The following EPHB1 variants were observed in gnomAD, a reference collection of about 807,000 sequenced individuals.
EPHB1 encodes the protein ephrin type-B receptor 1.
Under a neutral mutation model 94.4 loss-of-function variants are expected in EPHB1, and 30 were observed. The ratio of observed to expected loss-of-function variants is 0.32; its 90% CI spans 0.24 to 0.43. The LOEUF (loss-of-function observed/expected upper bound fraction) is 0.43. Among genes scored for constraint, EPHB1 ranks in the 20% least tolerant of loss-of-function variants. The pLI, the probability that EPHB1 is intolerant of heterozygous loss-of-function variation, is 1.00. For missense variants in EPHB1, 1,055 were observed against 1,308.3 expected (o/e 0.81, Z 2.99); for synonymous variants, 522 against 489.1 (o/e 1.07, Z -0.89).
At chr3:135,003,891 A>G (rs1935287192) in intron 3 of EPHB1, among the ~76,000 whole-genome samples, 1 of 151,996 alleles carries the variant, frequency 6.6e-6, no homozygotes, top group Admixed American at 6.5e-5. Context: ...CAGCACACTG[A>G]TGGGTCTTGA....
chr3:135,018,532 C>T (rs1311036656), intron 3 of EPHB1, among the ~76,000 whole-genome samples: 1 of 152,214 alleles, frequency 6.6e-6, no homozygotes, highest in Non-Finnish European at 1.5e-5. Context: ...CACCGATCTC[C>T]TCCATGAAAT....
chr3:134,997,993 G>A (rs1052182711), intron 3 of EPHB1, among the ~76,000 whole-genome samples: 6 of 152,178 alleles, frequency 3.9e-5, no homozygotes, highest in Non-Finnish European at 8.8e-5. Flanking sequence ...CTTTCAGGGT[G>A]ATTTAATTAT....
intron 3 of EPHB1, among the ~76,000 whole-genome samples, chr3:134,964,979 A>ATTG (rs1933672960): frequency 6.6e-6 from 1 of 152,250 alleles, no homozygotes; most frequent in Non-Finnish European, 1.5e-5. Context: ...AATGATTATC[A>ATTG]TTGAATCAAT....
intron 12 of EPHB1, among the ~76,000 whole-genome samples, chr3:135,224,432 G>A (rs1943347424): frequency 1.3e-5 from 2 of 152,042 alleles, no homozygotes; most frequent in Admixed American, 6.5e-5. Flanking sequence ...GTCCTTCCTA[G>A]GCTATTATAT....
chr3:135,041,798 T>C (rs902555247), intron 3 of EPHB1, among the ~76,000 whole-genome samples: 1 of 152,104 alleles, frequency 6.6e-6, no homozygotes, highest in Non-Finnish European at 1.5e-5. Flanking sequence ...AAGTTTAAGA[T>C]TGAGGGCCCA....
chr3:134,808,800 C>T (rs764262097), intron 1 of EPHB1, among the ~76,000 whole-genome samples: 5 of 152,110 alleles, frequency 3.3e-5, no homozygotes, highest in Non-Finnish European at 4.4e-5. Flanking sequence ...GCTGAATAGG[C>T]AGATAGCAGT....
intron 3 of EPHB1, among the ~76,000 whole-genome samples, chr3:135,076,738 A>G (rs181651325): frequency 3.3e-4 from 50 of 152,378 alleles, no homozygotes; most frequent in African/African-American, 9.6e-4. Context: ...TGGTATATCC[A>G]TACAATGGAA....
chr3:135,217,637 G>A (rs1331344936), intron 12 of EPHB1, among the ~76,000 whole-genome samples: 11 of 152,142 alleles, frequency 7.2e-5, no homozygotes, highest in African/African-American at 9.7e-5. Context: ...CAAACATTCC[G>A]AGTAGGCACC....
intron 3 of EPHB1, among the ~76,000 whole-genome samples, chr3:135,056,059 TACTC>T (rs1482063746): frequency 3.3e-5 from 5 of 152,204 alleles, no homozygotes; most frequent in Non-Finnish European, 5.9e-5. Context: ...TCAGACCACT[TACTC>T]ACAGGAGAAG....
chr3:134,927,435 C>T (rs1451104230), intron 2 of EPHB1, among the ~76,000 whole-genome samples: 4 of 152,206 alleles, frequency 2.6e-5, no homozygotes, highest in African/African-American at 9.7e-5. Flanking sequence ...TGAACAAGGC[C>T]AAGTCATGCC....
At chr3:135,010,446 A>G (rs1194505471) in intron 3 of EPHB1, among the ~76,000 whole-genome samples, 1 of 152,124 alleles carries the variant, frequency 6.6e-6, no homozygotes, top group Non-Finnish European at 1.5e-5. Flanking sequence ...TTTGTCCTAG[A>G]AAAGTGGTTC....
intron 5 of EPHB1, among the ~76,000 whole-genome samples, chr3:135,144,838 C>A (rs1940956576): frequency 6.6e-6 from 1 of 152,100 alleles, no homozygotes; most frequent in Non-Finnish European, 1.5e-5. Flanking sequence ...AGCTACACAC[C>A]CAAGGAAGTC....
intron 3 of EPHB1, among the ~76,000 whole-genome samples, chr3:135,078,175 G>A (rs1467783211): frequency 6.6e-6 from 1 of 152,186 alleles, no homozygotes; most frequent in Admixed American, 6.5e-5. Flanking sequence ...GCTCTTAAAG[G>A]CCCAGTGTGA....
At chr3:134,913,076 A>G (rs568085844) in intron 1 of EPHB1, among the ~76,000 whole-genome samples, 1 of 152,336 alleles carries the variant, frequency 6.6e-6, no homozygotes, top group East Asian at 1.9e-4. Flanking sequence ...TGTTTGTCTC[A>G]CTGGCTCAGG....
At chr3:135,198,257 T>C (rs1942674184) in intron 11 of EPHB1, among the ~76,000 whole-genome samples, 2 of 152,264 alleles carry the variant, frequency 1.3e-5, no homozygotes, top group African/African-American at 4.8e-5. Flanking sequence ...CTTTGATTAC[T>C]GTTATAACTC....
intron 1 of EPHB1, among the ~76,000 whole-genome samples, chr3:134,856,165 T>A (rs1205346094): frequency 6.6e-6 from 1 of 152,146 alleles, no homozygotes; most frequent in Non-Finnish European, 1.5e-5. Context: ...ACCTTGGGGT[T>A]GGGAAAGGTT....
chr3:135,157,795 G>A (rs1315960508), intron 6 of EPHB1, among the ~76,000 whole-genome samples: 2 of 152,142 alleles, frequency 1.3e-5, no homozygotes, highest in Admixed American at 6.5e-5. Context: ...ATAATTCATC[G>A]TATGTTGAGT....
chr3:135,151,827 A>T (rs1470307792), intron 5 of EPHB1, among the ~76,000 whole-genome samples: 1 of 152,222 alleles, frequency 6.6e-6, no homozygotes, highest in Non-Finnish European at 1.5e-5. Flanking sequence ...ATACATGTAC[A>T]TTCTCATAGT....
At chr3:134,843,414 T>C (rs1014284730) in intron 1 of EPHB1, among the ~76,000 whole-genome samples, 6 of 152,234 alleles carry the variant, frequency 3.9e-5, no homozygotes, top group African/African-American at 1.4e-4. Flanking sequence ...CTTGTGCAGA[T>C]TGATGTTTCT....
Sources: gnomAD v4.1 joint callset for allele counts (sites outside exome capture counted in the v4.1 genomes callset) on GRCh38, gnomAD v4.1.1 for gene constraint, MANE v1.5 for transcripts, NCBI Gene and HGNC (gene_info 2026-07-23, HGNC 2026-07-21) for gene names.